Variants in ZDHHC14 observed in about 807,000 individuals in gnomAD.
ZDHHC14 encodes zDHHC palmitoyltransferase 14.
A neutral mutation model predicts 47.7 loss-of-function variants in ZDHHC14; 16 were observed. The ratio of observed to expected loss-of-function variants is 0.34; its 90% confidence interval spans 0.23 to 0.51. ZDHHC14 has a LOEUF of 0.51. Among genes scored for constraint, ZDHHC14 ranks in the 20% least tolerant of loss-of-function variants. The pLI is 0.97. For synonymous variants in ZDHHC14, 293 were observed against 278.9 expected (o/e 1.05, Z -0.50); for missense variants, 515 against 662.5 (o/e 0.78, Z 2.44).
intron 1 of ZDHHC14, among the ~76,000 whole-genome samples, chr6:157,417,840 G>A (rs1478935635): frequency 6.6e-6 from 1 of 151,986 alleles, no homozygotes; most frequent in African/African-American, 2.4e-5. Context: ...TGTAGTCCCA[G>A]GTATTCAGGA....
chr6:157,659,688 AC>A (rs1423850126), intron 8 of ZDHHC14, among the ~76,000 whole-genome samples: 1 of 152,160 alleles, frequency 6.6e-6, no homozygotes, highest in Non-Finnish European at 1.5e-5. Flanking sequence ...CAGGGCACCC[AC>A]CCTCTGCGCC....
chr6:157,458,849 A>ATTTTTTTTTTTTTTTTTTTTTTTTT lies in ZDHHC14; in HGVS notation c.245+76605_245+76606insTTTTTTTTTTTTTTTTTTTTTTTTT, dbSNP rs750975822. 1.6e-3 allele frequency among the ~76,000 whole-genome samples: 131 copies of ATTTTTTTTTTTTTTTTTTTTTTTTT among 81,210 alleles called. 26 individuals are homozygous for ATTTTTTTTTTTTTTTTTTTTTTTTT. Among genetic ancestry groups the ATTTTTTTTTTTTTTTTTTTTTTTTT allele is most frequent in the Non-Finnish European group, 2.2e-3 (95 of 43,636 alleles). 53.3% of individuals were successfully genotyped at this position (81,210 alleles called of 152,430 possible). On this transcript the variant is annotated intron_variant, in intron 1 of 8. Transcript: ENST00000359775. ...TACAGGTACTAGCAAATGTGGGTGG[A>ATTTTTTTTTTTTTTTTTTTTTTTTT]TTTTTTTTTTTTTTTTTTTTTTGAG...
At chr6:157,533,321 T>C (rs780816422) in intron 1 of ZDHHC14, among the ~76,000 whole-genome samples, 3 of 151,764 alleles carry the variant, frequency 2.0e-5, no homozygotes, top group Non-Finnish European at 4.4e-5. Flanking sequence ...GTGTGCCAAG[T>C]GGGGATAAGT....
rs1777292936 is a variant in ZDHHC14, at chr6:157,385,519, CT to C, written c.245+3254del. The stretch of plus-strand genomic sequence containing the variant: ...TTAGTCATTTAGTTTTAGCCCTCCC[CT>C]GTCTGCAATTCTTCTCTCATCCCAG... On this transcript the variant is annotated intron_variant, in intron 1 of 8. Coordinates refer to ENST00000359775, the MANE Select transcript of ZDHHC14 (RefSeq NM_024630.3). Among the ~76,000 whole-genome samples, 3 of 152,248 alleles carry C rather than the reference CT, an allele frequency of 2.0e-5. No homozygotes were observed. The South Asian group carries it at 6.2e-4, about 31-fold the overall frequency.
intron 1 of ZDHHC14, among the ~76,000 whole-genome samples, chr6:157,515,931 G>C (rs1379355170): frequency 1.3e-5 from 2 of 152,092 alleles, no homozygotes; most frequent in Non-Finnish European, 2.9e-5. Context: ...GGTACAGCTC[G>C]ATACATTTTT....
At chr6:157,514,916 G>A (rs1780626628) in intron 1 of ZDHHC14, among the ~76,000 whole-genome samples, 1 of 152,232 alleles carries the variant, frequency 6.6e-6, no homozygotes, top group South Asian at 2.1e-4. Flanking sequence ...TCTGGTTCTC[G>A]ACTTGGCAGG....
intron 7 of ZDHHC14, among the ~76,000 whole-genome samples, chr6:157,650,412 C>T (rs947942110): frequency 6.6e-6 from 1 of 151,842 alleles, no homozygotes; most frequent in East Asian, 1.9e-4. Flanking sequence ...AGACAAGGGG[C>T]GAGTCCAGGT....
chr6:157,568,949 CT>C (rs1262716476), intron 2 of ZDHHC14, among the ~76,000 whole-genome samples: 2 of 151,992 alleles, frequency 1.3e-5, no homozygotes, highest in Non-Finnish European at 2.9e-5. Flanking sequence ...GACTATTTGA[CT>C]TTTTTCTATT....
At chr6:157,605,236 A>T (rs1450267230) in intron 3 of ZDHHC14, among the ~76,000 whole-genome samples, 1 of 152,238 alleles carries the variant, frequency 6.6e-6, no homozygotes, top group African/African-American at 2.4e-5. Flanking sequence ...ATTTTGTTTT[A>T]AAAAAGGTTG....
chr6:157,412,990 C>T (rs1014117364), intron 1 of ZDHHC14, among the ~76,000 whole-genome samples: 2 of 152,132 alleles, frequency 1.3e-5, no homozygotes, highest in African/African-American at 4.8e-5. Flanking sequence ...TTGGCATCAG[C>T]GCCAAAGTGA....
At chr6:157,651,104 A>G in intron 7 of ZDHHC14, among the ~76,000 whole-genome samples, 1 of 152,218 alleles carries the variant, frequency 6.6e-6, no homozygotes, top group Admixed American at 6.5e-5. Context: ...GTAGTTTCCT[A>G]GGGCACTGCA....
At position 157,673,447 on chromosome 6, in the gene ZDHHC14, T is replaced by C. The variant is rs756524142; in HGVS notation, c.*325T>C. On this transcript the variant is annotated 3_prime_UTR_variant, in exon 9 of 9. Coordinates refer to ENST00000359775, the MANE Select transcript of ZDHHC14 (RefSeq NM_024630.3). The surrounding 1 kb of genome is among the most constrained non-coding windows in gnomAD (Gnocchi z 5.4). Reference sequence around the variant, plus strand: ...TTGTGACAGACACACGGAAGGCTTCTGACGCTTGTGGCCAGACTGCAATTG... The same window carrying C: ...TTGTGACAGACACACGGAAGGCTTCCGACGCTTGTGGCCAGACTGCAATTG... The C allele has an allele frequency of 2.5e-6, 1 of 394,746 alleles. No individual in the cohort carries two copies. Among genetic ancestry groups the C allele is most frequent in the Non-Finnish European group, 4.5e-6 (1 of 223,256 alleles). The allele number at this position is 394,746 out of a possible 1,614,324, so 24.5% of individuals were successfully genotyped here. A position where few individuals can be genotyped will look rare whatever the true frequency, so the allele number is the denominator to read the frequency against.
At chr6:157,605,474 A>T (rs957114120) in intron 3 of ZDHHC14, among the ~76,000 whole-genome samples, 2 of 152,184 alleles carry the variant, frequency 1.3e-5, no homozygotes, top group African/African-American at 4.8e-5. Flanking sequence ...ATTTGGAGGA[A>T]GTCTTCCCTG....
intron 1 of ZDHHC14, among the ~76,000 whole-genome samples, chr6:157,443,046 C>G (rs1778591390): frequency 6.6e-6 from 1 of 152,114 alleles, no homozygotes; most frequent in South Asian, 2.1e-4. Flanking sequence ...GAATTGTAAT[C>G]TGAATTGTAA....
At position 157,647,304 on chromosome 6, in the gene ZDHHC14, C is replaced by A. The variant is rs1562527405; in HGVS notation, c.901C>A (p.Pro301Thr). The A allele has an allele frequency of 6.2e-7, 1 of 1,614,200 alleles. No individual in the cohort carries two copies. Among genetic ancestry groups the A allele is most frequent in the East Asian group, 2.2e-5 (1 of 44,888 alleles). Residue 301 changes from proline (P) to threonine (T), a missense_variant, in exon 7 of 9, where the codon CCC (proline) becomes ACC (threonine). Around this residue, in one of 4 missense-constraint regions of ZDHHC14, gnomAD observed 229 missense variants for 351.5 expected, o/e 0.65. Coordinates refer to ENST00000359775, the MANE Select transcript of ZDHHC14 (RefSeq NM_024630.3). ...TAAAAGAGGTAAAGAAAATTACAAT[C>A]CCTACAGCTACGGAAATATCTTTAC... Reference protein sequence around the residue: ...SNKRGKENYNPYSYGNIFTNC... With the variant: ...SNKRGKENYNTYSYGNIFTNC...
At chr6:157,585,148 A>G (rs1048744487) in intron 2 of ZDHHC14, among the ~76,000 whole-genome samples, 1 of 152,152 alleles carries the variant, frequency 6.6e-6, no homozygotes, top group Non-Finnish European at 1.5e-5. Context: ...CAGAGGTTGC[A>G]GTGAGCCGAG....
intron 2 of ZDHHC14, among the ~76,000 whole-genome samples, chr6:157,587,106 T>C (rs2114882596): frequency 6.6e-6 from 1 of 152,392 alleles, no homozygotes; most frequent in East Asian, 1.9e-4. Context: ...TCTAAACTTT[T>C]CTACTGAAAT....
intron 1 of ZDHHC14, among the ~76,000 whole-genome samples, chr6:157,393,302 A>G (rs1303016519): frequency 1.3e-5 from 2 of 152,214 alleles, no homozygotes; most frequent in Non-Finnish European, 2.9e-5. Context: ...AGCCATGGGA[A>G]TGAGGTGGGG....
At chr6:157,564,723 G>C (rs1782835753) in intron 2 of ZDHHC14, among the ~76,000 whole-genome samples, 1 of 152,118 alleles carries the variant, frequency 6.6e-6, no homozygotes, top group Non-Finnish European at 1.5e-5. Context: ...CTTTATTAAA[G>C]TACCACTGAG....
Sources: allele counts gnomAD v4.1 joint callset (sites outside exome capture counted in the v4.1 genomes callset), GRCh38; gene constraint gnomAD v4.1.1; regional missense constraint gnomAD v4.1.1; non-coding constraint Gnocchi (gnomAD v3.1); transcripts MANE v1.5; gene names NCBI Gene and HGNC (gene_info 2026-07-23, HGNC 2026-07-21).